Variants in DCHS2 observed in about 807,000 individuals in gnomAD.
DCHS2 encodes protocadherin-23.
In DCHS2, 142 loss-of-function variants were observed where a neutral mutation model predicts 182.4. The observed-to-expected ratio is 0.78, with a 90% CI of 0.68 to 0.89. The LOEUF (loss-of-function observed/expected upper bound fraction) is 0.89. DCHS2 is among the 40% of genes least tolerant of loss of function. The pLI, the probability that DCHS2 is intolerant of heterozygous loss-of-function variation, is 0.00. For synonymous variants in DCHS2, 1,740 were observed against 1,663.3 expected, an observed-to-expected ratio of 1.05 and a Z score of -1.12; for missense variants, 4,319 against 4,198.6, an observed-to-expected ratio of 1.03 and a Z score of -0.79.
At chr4:154,271,462 T>A (rs1733587850) in intron 13 of DCHS2, among the ~76,000 whole-genome samples, 1 of 152,162 alleles carries the variant, frequency 6.6e-6, no homozygotes, top group African/African-American at 2.4e-5. Context: ...TCGCTTTATG[T>A]GACAGGAAGC....
intron 1 of DCHS2, among the ~76,000 whole-genome samples, chr4:154,383,354 C>G (rs1001936315): frequency 5.3e-5 from 8 of 152,050 alleles, no homozygotes; most frequent in Admixed American, 5.2e-4. Context: ...GAAAGTCTAC[C>G]CATTGGTTGC....
chr4:154,409,865 A>G (rs954957171), intron 1 of DCHS2, among the ~76,000 whole-genome samples: 6 of 152,118 alleles, frequency 3.9e-5, no homozygotes, highest in Non-Finnish European at 8.8e-5. Context: ...CACTGCCACA[A>G]ACTCCTGTAG....
chr4:154,288,237 C>A (rs1046899987), intron 13 of DCHS2, among the ~76,000 whole-genome samples: 1 of 152,024 alleles, frequency 6.6e-6, no homozygotes, highest in African/African-American at 2.4e-5. Context: ...GAAAAAGATA[C>A]TCCATGCAAA....
At chr4:154,391,884 C>T (rs1227976195) in intron 1 of DCHS2, among the ~76,000 whole-genome samples, 1 of 152,102 alleles carries the variant, frequency 6.6e-6, no homozygotes, top group Non-Finnish European at 1.5e-5. Flanking sequence ...AGATAGAAGA[C>T]CATTGTGCAG....
At chr4:154,352,249 G>T (rs1022104649) in intron 3 of DCHS2, among the ~76,000 whole-genome samples, 15 of 152,172 alleles carry the variant, frequency 9.9e-5, no homozygotes, top group Non-Finnish European at 1.5e-5. Context: ...ACCCCAACCT[G>T]CCAGACTAAA....
intron 1 of DCHS2, among the ~76,000 whole-genome samples, chr4:154,468,222 T>C (rs1735317063): frequency 6.6e-6 from 1 of 152,130 alleles, no homozygotes; most frequent in Non-Finnish European, 1.5e-5. Flanking sequence ...TTTTGAATGG[T>C]TTAGAATGTT....
At position 154,237,127 on chromosome 4, in the gene DCHS2, G is replaced by A. The variant is rs1454322232; in HGVS notation, c.7525C>T (p.Leu2509=). The change falls in exon 20 of 20, where the codon CTG becomes TTG. Residue 2509 remains leucine, a synonymous_variant. Coordinates refer to ENST00000357232, the MANE Select transcript of DCHS2 (RefSeq NM_001358235.2). ...AATTGAGTTGTTGATATTGTATCCA[G>A]AAGTAATACGGGACTGATAGTAAAT... ...TIFTISPVLL[L]DTISTTQFLV... is the part of the protein sequence containing the mutation. 6.2e-7 allele frequency: 1 copy of A among 1,613,058 alleles called. No individual in the cohort carries two copies. Among genetic ancestry groups the A allele is most frequent in the Admixed American group, 1.7e-5 (1 of 59,964 alleles).
intron 3 of DCHS2, among the ~76,000 whole-genome samples, chr4:154,365,571 T>G (rs373039189): frequency 1.3e-5 from 2 of 151,908 alleles, no homozygotes; most frequent in African/African-American, 4.8e-5. Context: ...CTCAAACTCC[T>G]GGCCTCGAGC....
At chr4:154,458,827 A>G (rs1311400181) in intron 1 of DCHS2, among the ~76,000 whole-genome samples, 1 of 152,208 alleles carries the variant, frequency 6.6e-6, no homozygotes, top group Non-Finnish European at 1.5e-5. Context: ...CAGTTCAAAT[A>G]CTGTCCTCTA....
intron 9 of DCHS2, among the ~76,000 whole-genome samples, chr4:154,319,649 C>G (rs1316699134): frequency 1.0e-5 from 1 of 97,754 alleles, no homozygotes; most frequent in African/African-American, 3.9e-5. Context: ...GTTAGGATGG[C>G]TGTTACTAAA....
intron 16 of DCHS2, among the ~76,000 whole-genome samples, chr4:154,243,194 A>T (rs1578846499): frequency 6.6e-6 from 1 of 152,318 alleles, no homozygotes; most frequent in Non-Finnish European, 1.5e-5. Flanking sequence ...CCAACAAAAG[A>T]TGTAGCCACT....
intron 1 of DCHS2, among the ~76,000 whole-genome samples, chr4:154,395,801 T>C (rs1297561905): frequency 1.3e-5 from 2 of 152,116 alleles, no homozygotes; most frequent in Non-Finnish European, 2.9e-5. Flanking sequence ...AGAAGGAAAG[T>C]AGACGAATGA....
intron 1 of DCHS2, among the ~76,000 whole-genome samples, chr4:154,473,700 T>C (rs1735571231): frequency 6.6e-6 from 1 of 152,050 alleles, no homozygotes; most frequent in African/African-American, 2.4e-5. Context: ...CGGAAGATGA[T>C]GAGTATCAGC....
At chr4:154,379,952 T>C (rs1423403576) in intron 1 of DCHS2, among the ~76,000 whole-genome samples, 1 of 152,152 alleles carries the variant, frequency 6.6e-6, no homozygotes, top group African/African-American at 2.4e-5. Context: ...AGAGACACTT[T>C]TGGTTGTCAC....
In DCHS2 at chr4:154,320,240, G is replaced by T. The variant is rs1357099234; in HGVS notation, c.5020+139C>A. On this transcript the variant is annotated intron_variant, in intron 9 of 19. Coordinates refer to ENST00000357232, the MANE Select transcript of DCHS2 (RefSeq NM_001358235.2). ...AGTTAAGCAAGGTAAATAATATCTA[G>T]AGATACGCTGTGCAACATTGAACTC... 9 of 1,351,984 alleles carry T rather than the reference G, an allele frequency of 6.7e-6. No individual in the cohort carries two copies. The African/African-American group carries it at 1.3e-4, about 20-fold the overall frequency. 83.7% of individuals were successfully genotyped at this position (1,351,984 alleles called of 1,614,324 possible).
intron 1 of DCHS2, among the ~76,000 whole-genome samples, chr4:154,388,699 T>G (rs1212686636): frequency 6.6e-6 from 1 of 152,034 alleles, no homozygotes; most frequent in Non-Finnish European, 1.5e-5. Flanking sequence ...TTTCACCGTG[T>G]TAGCCAGGAT....
chr4:154,474,601 G>A (rs1028859594), intron 1 of DCHS2, among the ~76,000 whole-genome samples: 3 of 152,138 alleles, frequency 2.0e-5, no homozygotes, highest in Non-Finnish European at 4.4e-5. Context: ...TTGTTCCCAA[G>A]AGCACACACC....
chr4:154,254,586 C>T (rs530640884), intron 16 of DCHS2, among the ~76,000 whole-genome samples: 2 of 152,170 alleles, frequency 1.3e-5, no homozygotes, highest in African/African-American at 4.8e-5. Context: ...CCTGTAATCC[C>T]AGCACTTTGG....
At position 154,490,900 on chromosome 4, in the gene DCHS2, C is replaced by T; in HGVS notation, c.456G>A (p.Gln152=). ...TCACGTCGTTGACGCGAATCTCCACCTGCACCACAGCGCCCAGCAGCGTGG... is the reference window on the plus strand; with the variant it reads ...TCACGTCGTTGACGCGAATCTCCACTTGCACCACAGCGCCCAGCAGCGTGG... ...VAATLLGAVV[Q]VEIRVNDVND... is the part of the protein sequence containing the mutation. Residue 152 remains glutamine (Q), a synonymous_variant, in exon 1 of 20, where the codon CAG becomes CAA. Transcript: ENST00000357232. The T allele has an allele frequency of 6.4e-7, 1 of 1,551,386 alleles. No homozygotes were observed. The highest frequency in any genetic ancestry group is 8.7e-7 in the Non-Finnish European group (1 of 1,146,916).
Sources: gnomAD v4.1 joint callset for allele counts (sites outside exome capture counted in the v4.1 genomes callset) on GRCh38, gnomAD v4.1.1 for gene constraint, MANE v1.5 for transcripts, NCBI Gene and HGNC (gene_info 2026-07-23, HGNC 2026-07-21) for gene names.